KDM4C: variants seen among roughly 807,000 people sequenced by gnomAD.
KDM4C encodes lysine-specific demethylase 4C.
Under a neutral mutation model 129.3 loss-of-function variants are expected in KDM4C, and 81 were observed. The observed-to-expected ratio is 0.63, with a 90% CI of 0.52 to 0.75. The LOEUF (loss-of-function observed/expected upper bound fraction) is 0.75. Ranked by LOEUF, KDM4C falls within the 30% of genes least tolerant of loss-of-function variation. The pLI, the probability that KDM4C is intolerant of heterozygous loss-of-function variation, is 0.00. For synonymous variants in KDM4C, 573 were observed against 456.1 expected, an observed-to-expected ratio of 1.26 and a Z score of -3.26; for missense variants, 1,457 against 1,304.0, an observed-to-expected ratio of 1.12 and a Z score of -1.81.
chr9:7,076,789 G>C, intron 17 of KDM4C: 1 of 1,059,528 alleles, frequency 9.4e-7, no homozygotes, highest in Non-Finnish European at 1.1e-6. Flanking sequence ...CTTTCCCTTT[G>C]TGATTTAGTC....
intron 8 of KDM4C, chr9:6,924,884 T>C (rs1015678500): frequency 2.0e-6 from 2 of 984,574 alleles, no homozygotes; most frequent in Non-Finnish European, 2.4e-6. Context: ...ATATTTGGGG[T>C]GGTGGAGCAT....
intron 15 of KDM4C, among the ~76,000 whole-genome samples, chr9:7,034,690 C>G (rs558173872): frequency 6.6e-6 from 1 of 152,276 alleles, no homozygotes; most frequent in South Asian, 2.1e-4. Context: ...TGCATAAATT[C>G]CCAGTAGTGG....
At chr9:6,897,893 A>G (rs559543013) in intron 8 of KDM4C, among the ~76,000 whole-genome samples, 64 of 152,328 alleles carry the variant, frequency 4.2e-4, no homozygotes, top group African/African-American at 1.5e-3. Flanking sequence ...TAGCAGTTGA[A>G]ATAAGACATT....
At chr9:7,126,783 G>A (rs1024960094) in intron 18 of KDM4C, among the ~76,000 whole-genome samples, 1 of 151,808 alleles carries the variant, frequency 6.6e-6, no homozygotes, top group Non-Finnish European at 1.5e-5. Flanking sequence ...TCCTGGAATG[G>A]CTAATTTCAG....
intron 15 of KDM4C, among the ~76,000 whole-genome samples, chr9:7,024,973 C>T (rs1298848284): frequency 6.6e-6 from 1 of 152,200 alleles, no homozygotes; most frequent in Non-Finnish European, 1.5e-5. Context: ...GTTCCTATTT[C>T]TCCACATCCT....
chr9:6,943,923 A>T (rs1050831999), intron 8 of KDM4C, among the ~76,000 whole-genome samples: 1 of 152,170 alleles, frequency 6.6e-6, no homozygotes, highest in African/African-American at 2.4e-5. Context: ...TCACTTTGCT[A>T]TGCCTTGCTG....
intron 15 of KDM4C, among the ~76,000 whole-genome samples, chr9:7,020,966 C>G (rs1824716426): frequency 1.3e-5 from 2 of 151,192 alleles, no homozygotes; most frequent in African/African-American, 2.4e-5. Flanking sequence ...CCCCCACCAC[C>G]CTTCCTAGCC....
At chr9:6,918,949 T>G (rs942670138) in intron 8 of KDM4C, among the ~76,000 whole-genome samples, 3 of 152,130 alleles carry the variant, frequency 2.0e-5, no homozygotes, top group African/African-American at 7.2e-5. Flanking sequence ...CTGCCTGGGT[T>G]CAAGCGATTC....
intron 8 of KDM4C, among the ~76,000 whole-genome samples, chr9:6,949,458 T>C (rs1184499507): frequency 2.0e-5 from 3 of 152,116 alleles, no homozygotes; most frequent in Non-Finnish European, 2.9e-5. Flanking sequence ...GCAGAGGCTG[T>C]AATCTCGGCA....
intron 8 of KDM4C, among the ~76,000 whole-genome samples, chr9:6,908,035 A>C (rs1818637418): frequency 6.6e-6 from 1 of 152,164 alleles, no homozygotes; most frequent in East Asian, 1.9e-4. Flanking sequence ...GATTTTCCTT[A>C]TAACCTTGAC....
intron 1 of KDM4C, among the ~76,000 whole-genome samples, chr9:6,775,206 G>A (rs990698809): frequency 6.6e-6 from 1 of 151,920 alleles, no homozygotes; most frequent in African/African-American, 2.4e-5. Flanking sequence ...TAGTAGAGAT[G>A]GGGTTTCACC....
intron 18 of KDM4C, among the ~76,000 whole-genome samples, chr9:7,110,366 A>G (rs1022300115): frequency 7.2e-5 from 11 of 152,286 alleles, no homozygotes; most frequent in Middle Eastern, 3.4e-3. Context: ...TTTTTTTTCA[A>G]ATGGTTCAGG....
intron 8 of KDM4C, 24 bp from the exon 9 acceptor site, chr9:6,980,901 C>G (rs748692246): frequency 1.9e-6 from 3 of 1,610,536 alleles, no homozygotes; most frequent in Non-Finnish European, 2.5e-6. Flanking sequence ...ACGTTTAACA[C>G]TCTCCAACCC....
At chr9:7,146,887 C>T (rs1206792469) in intron 19 of KDM4C, among the ~76,000 whole-genome samples, 2 of 152,176 alleles carry the variant, frequency 1.3e-5, no homozygotes, top group African/African-American at 4.8e-5. Context: ...TCCTTTCTCT[C>T]GTAGTCAGGG....
chr9:7,008,640 C>T (rs1191206631), intron 12 of KDM4C, among the ~76,000 whole-genome samples: 1 of 152,238 alleles, frequency 6.6e-6, no homozygotes, highest in African/African-American at 2.4e-5. Flanking sequence ...ATGCAGTTGA[C>T]AGGACCACAC....
At chr9:6,825,140 C>T (rs780323063) in intron 4 of KDM4C, among the ~76,000 whole-genome samples, 6 of 113,992 alleles carry the variant, frequency 5.3e-5, no homozygotes, top group Non-Finnish European at 1.0e-4. Flanking sequence ...GAGTGAAACT[C>T]GGTCTCAAAA....
At chr9:6,888,098 G>A (rs1234262721) in intron 7 of KDM4C, 35 bp downstream of exon 7, 2 of 1,142,544 alleles carry the variant, frequency 1.8e-6, no homozygotes, top group African/African-American at 3.2e-5. Context: ...AATTAATTTT[G>A]TTTGTGTAGG....
intron 4 of KDM4C, among the ~76,000 whole-genome samples, chr9:6,825,340 G>A (rs755265613): frequency 6.6e-6 from 1 of 152,140 alleles, no homozygotes; most frequent in East Asian, 1.9e-4. Flanking sequence ...CAAGGTCTGC[G>A]TGTCTTCCTG....
intron 1 of KDM4C, among the ~76,000 whole-genome samples, chr9:6,784,156 C>T (rs953434370): frequency 1.3e-5 from 2 of 152,030 alleles, no homozygotes; most frequent in Admixed American, 6.6e-5. Flanking sequence ...GGATCCCCAT[C>T]ACAATGCAGT....
Sources: allele counts gnomAD v4.1 joint callset (sites outside exome capture counted in the v4.1 genomes callset), GRCh38; gene constraint gnomAD v4.1.1; transcripts MANE v1.5; gene names NCBI Gene and HGNC (gene_info 2026-07-23, HGNC 2026-07-21).